Variants in CNOT1 observed in about 807,000 individuals in gnomAD.
CNOT1 encodes the protein CCR4-associated factor 1.
CNOT1 carries 15 observed loss-of-function variants against 273.8 expected under a neutral mutation model. The observed-to-expected ratio is 0.05, with a 90% CI of 0.04 to 0.08. CNOT1 has a LOEUF of 0.08. CNOT1 is among the 10% of genes least tolerant of loss of function. The pLI, the probability that CNOT1 is intolerant of heterozygous loss-of-function variation, is 1.00. For synonymous variants in CNOT1, 1,022 were observed against 1,005.5 expected (o/e 1.02, Z -0.31); for missense variants, 1,644 against 2,912.2 (o/e 0.56, Z 10.02).
At chr16:58,555,208 G>C (rs1568399) in intron 21 of CNOT1, 43 bp downstream of exon 21, 1 of 1,599,570 alleles carries the variant, frequency 6.3e-7, no homozygotes, top group Non-Finnish European at 8.5e-7. Flanking sequence ...CCCTGTCTGC[G>C]GGGTCAGGGA....
At chr16:58,608,415 C>T (rs1185506337) in intron 1 of CNOT1, among the ~76,000 whole-genome samples, 9 of 151,952 alleles carry the variant, frequency 5.9e-5, no homozygotes, top group Middle Eastern at 3.4e-3. Context: ...ATTAGCCAGG[C>T]ATAGTGGCTC....
At chr16:58,595,616 G>C (rs1246016472) in intron 2 of CNOT1, among the ~76,000 whole-genome samples, 2 of 152,078 alleles carry the variant, frequency 1.3e-5, no homozygotes, top group African/African-American at 4.8e-5. Context: ...TTTGGGGAGG[G>C]GGTTCTCATA....
intron 7 of CNOT1, among the ~76,000 whole-genome samples, chr16:58,586,256 GAGGC>G (rs1567424517): frequency 9.7e-4 from 1 of 1,034 alleles, no homozygotes; most frequent in African/African-American, 6.2e-3. Flanking sequence ...GAGGGGAGGG[GAGGC>G]GAGGGGAGGG....
chr16:58,549,429 C>T (rs2040383068), intron 25 of CNOT1, among the ~76,000 whole-genome samples: 1 of 151,384 alleles, frequency 6.6e-6, no homozygotes, highest in South Asian at 2.1e-4. Flanking sequence ...AATATGCTAA[C>T]CAATACTATG....
In CNOT1 at chr16:58,547,377, C is replaced by T; in HGVS notation, c.3640-81G>A. ...ACAAAACCAAAGAAAAGTATTTTGCCAAGCTTATCCCCAAAACAGGAATCA... is the reference window on the plus strand; with the variant it reads ...ACAAAACCAAAGAAAAGTATTTTGCTAAGCTTATCCCCAAAACAGGAATCA... On this transcript the variant is annotated intron_variant, in intron 26 of 48. Transcript: ENST00000317147. The surrounding 1 kb of genome is among the most constrained non-coding windows in gnomAD (Gnocchi z 4.0). 3 of 1,574,914 alleles carry T rather than the reference C, an allele frequency of 1.9e-6. No homozygotes were observed. Among genetic ancestry groups the T allele is most frequent in the Non-Finnish European group, 2.6e-6 (3 of 1,159,186 alleles).
At chr16:58,538,344 G>T (rs975170118) in intron 36 of CNOT1, 78 bp from the exon 37 acceptor site, 8 of 749,526 alleles carry the variant, frequency 1.1e-5, no homozygotes, top group Admixed American at 2.0e-5. Context: ...ATGGAAATTT[G>T]CTCCAAACTA....
intron 1 of CNOT1, among the ~76,000 whole-genome samples, chr16:58,607,728 AAAAAAAAAAAG>A (rs1290578649): frequency 1.4e-5 from 2 of 142,468 alleles, no homozygotes; most frequent in Non-Finnish European, 3.0e-5. Flanking sequence ...ACTCAAAAAA[AAAAAAAAAAAG>A]AAAGAAAGAA....
Position 58,547,577 on chromosome 16 carries a change from T to C in CNOT1, c.3628A>G (p.Ile1210Val). The C allele has an allele frequency of 7.4e-6, 12 of 1,612,924 alleles. No homozygotes were observed. The highest frequency in any genetic ancestry group is 1.0e-5 in the Non-Finnish European group (12 of 1,179,418). Residue 1210 changes from isoleucine (I) to valine (V), a missense_variant, in exon 26 of 49, where the codon ATC (isoleucine) becomes GTC (valine). Transcript: ENST00000317147. This position sits in a 1 kb window ranked among gnomAD's most constrained non-coding sequence, Gnocchi z 4.0. ...GMITLAKNKPILHTDLDVKSL... is the reference protein window; with the variant it reads ...GMITLAKNKPVLHTDLDVKSL... ...TAGATGAAACTCACAGTGTGTAAGA[T>C]GGGTTTGTTTTTAGCTAATGTGATC...
At chr16:58,570,714 G>A (rs1395561696) in intron 16 of CNOT1, among the ~76,000 whole-genome samples, 1 of 152,030 alleles carries the variant, frequency 6.6e-6, no homozygotes, top group Non-Finnish European at 1.5e-5. Flanking sequence ...AAAAATCAAG[G>A]GGAAGGGGAC....
At chr16:58,626,738 C>T (rs2043601151) in intron 1 of CNOT1, among the ~76,000 whole-genome samples, 5 of 149,286 alleles carry the variant, frequency 3.3e-5, no homozygotes, top group Admixed American at 3.3e-4. Context: ...CCAGCCTGGG[C>T]AACAGGGTGA....
intron 18 of CNOT1, among the ~76,000 whole-genome samples, chr16:58,557,388 AT>A (rs1304136171): frequency 1.3e-5 from 2 of 152,208 alleles, no homozygotes; most frequent in Non-Finnish European, 2.9e-5. Context: ...AAACTTCTTT[AT>A]TCCTCTCAAC....
intron 1 of CNOT1, among the ~76,000 whole-genome samples, chr16:58,621,794 C>A (rs1006860284): frequency 1.3e-5 from 2 of 148,882 alleles, no homozygotes; most frequent in African/African-American, 4.9e-5. Context: ...GCCTGTAGTC[C>A]CAGCTATTCA....
At chr16:58,580,103 G>A (rs1048184306) in intron 12 of CNOT1, among the ~76,000 whole-genome samples, 1 of 151,968 alleles carries the variant, frequency 6.6e-6, no homozygotes, top group Non-Finnish European at 1.5e-5. Context: ...CTAGCTACTC[G>A]GGAGGCTGAG....
intron 1 of CNOT1, among the ~76,000 whole-genome samples, chr16:58,616,023 G>C (rs2152040375): frequency 8.1e-6 from 1 of 123,276 alleles, no homozygotes; most frequent in African/African-American, 2.7e-5. Context: ...AGTGAGCTAT[G>C]ATCAGGCCAT....
chr16:58,543,411 G>GAA lies in CNOT1; in HGVS notation c.4434+194_4434+195dup, dbSNP rs5817153. On this transcript the variant is annotated intron_variant, in intron 31 of 48. Transcript: ENST00000317147. ...CAAACATCGTGTTGAGAATATAACAGAAAAAAAAAAAAACACACAGACATG... is the reference window on the plus strand; with the variant it reads ...CAAACATCGTGTTGAGAATATAACAGAAAAAAAAAAAAAAACACACAGACATG... The GAA allele has an allele frequency of 3.8e-4, 514 of 1,342,700 alleles. No homozygotes were observed. The highest frequency in any genetic ancestry group is 1.3e-3 in the South Asian group (81 of 63,946). The allele number at this position is 1,342,700 out of a possible 1,614,324, so 83.2% of individuals were successfully genotyped here. A position where few individuals can be genotyped will look rare whatever the true frequency, so the allele number is the denominator to read the frequency against.
chr16:58,525,564 G>C (rs1190526959), intron 45 of CNOT1, among the ~76,000 whole-genome samples: 1 of 150,984 alleles, frequency 6.6e-6, no homozygotes, highest in Non-Finnish European at 1.5e-5. Flanking sequence ...ATTTCCCTCA[G>C]GAAGCCGAAG....
At position 58,585,907 on chromosome 16, in the gene CNOT1, A is replaced by G. The variant is rs55719578; in HGVS notation, c.638-401T>C. 9.6e-3 allele frequency among the ~76,000 whole-genome samples: 1,468 copies of G among 152,280 alleles called. 23 individuals are homozygous for G. Among genetic ancestry groups the G allele is most frequent in the African/African-American group, 0.034 (1,413 of 41,564 alleles). ...CCCATTAGTGAGAATGTTAATGTAC[A>G]TTAAAATTAAACTCTATAAACATTA... On this transcript the variant is annotated intron_variant, in intron 7 of 48. Coordinates refer to ENST00000317147, the MANE Select transcript of CNOT1 (RefSeq NM_016284.5).
At chr16:58,569,519 A>C (rs2041187399) in intron 16 of CNOT1, among the ~76,000 whole-genome samples, 1 of 152,062 alleles carries the variant, frequency 6.6e-6, no homozygotes, top group Non-Finnish European at 1.5e-5. Context: ...AATTAGCAAA[A>C]AAAAAAACCA....
In CNOT1 at chr16:58,563,277, CTTCAGTATA is replaced by C. The variant is rs575287029; in HGVS notation, c.1980-2924_1980-2916del. Among the ~76,000 whole-genome samples, 43 of 152,238 alleles carry C rather than the reference CTTCAGTATA, an allele frequency of 2.8e-4. 1 individual carries two copies. In the East Asian group the frequency reaches 8.3e-3, roughly 29 times the overall value. ...ATAAATACCATTGTGTTATAATTGCCTTCAGTATATTCAGTATAGTAACATCACTGTATG... is the reference window on the plus strand; with the variant it reads ...ATAAATACCATTGTGTTATAATTGCCTTCAGTATAGTAACATCACTGTATG... On this transcript the variant is annotated intron_variant, in intron 16 of 48. Transcript: ENST00000317147.
Sources: gnomAD v4.1 joint callset for allele counts (sites outside exome capture counted in the v4.1 genomes callset) on GRCh38, gnomAD v4.1.1 for gene constraint, Gnocchi (gnomAD v3.1) non-coding constraint, MANE v1.5 for transcripts, NCBI Gene and HGNC (gene_info 2026-07-23, HGNC 2026-07-21) for gene names.